The following SLC22A9 variants were observed in gnomAD, a reference collection of about 807,000 sequenced individuals.
SLC22A9 encodes the protein organic anion transporter 7.
SLC22A9 carries 64 observed loss-of-function variants against 50.1 expected under a neutral mutation model. The observed-to-expected ratio is 1.28, with a 90% CI of 1.04 to 1.57. SLC22A9 has a LOEUF of 1.57. SLC22A9 is among the 40% of genes most tolerant of loss of function. The probability of loss-of-function intolerance (pLI) is 0.00; values close to 1 mark genes in which losing one functional copy is unlikely to be tolerated. For missense variants in SLC22A9, 757 were observed against 676.1 expected (o/e 1.12, Z -1.33); for synonymous variants, 261 against 242.5 (o/e 1.08, Z -0.71).
chr11:63,374,792 A>G (rs959586366), intron 4 of SLC22A9, among the ~76,000 whole-genome samples: 2 of 152,168 alleles, frequency 1.3e-5, no homozygotes, highest in Non-Finnish European at 2.9e-5. Context: ...TATAGGTGAT[A>G]TTGGATGAAA....
intron 7 of SLC22A9, among the ~76,000 whole-genome samples, chr11:63,407,341 A>T (rs1246413140): frequency 6.6e-6 from 1 of 152,168 alleles, no homozygotes; most frequent in African/African-American, 2.4e-5. Flanking sequence ...GTAATAAGTA[A>T]GGGAACCCAG....
chr11:63,373,012 G>C (rs1217467275), intron 2 of SLC22A9, among the ~76,000 whole-genome samples: 1 of 152,002 alleles, frequency 6.6e-6, no homozygotes, highest in Admixed American at 6.6e-5. Flanking sequence ...AATGACATTG[G>C]TGAGAGCTGA....
At position 63,371,234 on chromosome 11, in the gene SLC22A9, G is replaced by A; in HGVS notation, c.502G>A (p.Asp168Asn). ...VGGILGGHLS[D>N]RFGRRFVLRW... is the part of the protein sequence containing the mutation. Reference sequence around the variant, plus strand: ...AGGCATCCTAGGCGGTCATTTATCAGACAGGTGAGTGTGTATGGAACACAG... The same window carrying A: ...AGGCATCCTAGGCGGTCATTTATCAAACAGGTGAGTGTGTATGGAACACAG... Residue 168 changes from aspartate (D) to asparagine (N), a missense_variant, in exon 2 of 10, where the codon GAC (aspartate) becomes AAC (asparagine). Transcript: ENST00000279178. 6.2e-7 allele frequency: 1 copy of A among 1,610,868 alleles called. No individual in the cohort carries two copies. Among genetic ancestry groups the A allele is most frequent in the Non-Finnish European group, 8.5e-7 (1 of 1,177,360 alleles).
chr11:63,406,131 C>A (rs186729981), intron 6 of SLC22A9, among the ~76,000 whole-genome samples: 3 of 152,226 alleles, frequency 2.0e-5, no homozygotes, highest in Admixed American at 2.0e-4. Flanking sequence ...TAGTCATCAT[C>A]TTTGTAGGTA....
chr11:63,386,309 C>A lies in SLC22A9; in HGVS notation c.1073+4032C>A, dbSNP rs147394024. ...CCCTACCAGGTTAGCATGATGCTGG[C>A]CTCATACAATAAATTAGGGAGGAGT... is the stretch of plus-strand genomic sequence containing the variant. On this transcript the variant is annotated intron_variant, in intron 6 of 9. Coordinates refer to ENST00000279178, the MANE Select transcript of SLC22A9 (RefSeq NM_080866.3). 8.4e-3 allele frequency among the ~76,000 whole-genome samples: 1,276 copies of A among 152,036 alleles called. 6 individuals carry two copies. The highest frequency in any genetic ancestry group is 0.014 in the Non-Finnish European group (974 of 67,980).
chr11:63,405,132 T>C (rs1172474632), intron 6 of SLC22A9, among the ~76,000 whole-genome samples: 1 of 151,796 alleles, frequency 6.6e-6, no homozygotes, highest in Non-Finnish European at 1.5e-5. Context: ...ACAATAATAA[T>C]AATAATAATA....
intron 6 of SLC22A9, among the ~76,000 whole-genome samples, chr11:63,399,725 C>T (rs1325623049): frequency 6.6e-6 from 1 of 152,100 alleles, no homozygotes; most frequent in Non-Finnish European, 1.5e-5. Flanking sequence ...GAACATTTTA[C>T]TCAGCAAATG....
At chr11:63,388,238 G>T (rs2014702707) in intron 6 of SLC22A9, among the ~76,000 whole-genome samples, 1 of 151,984 alleles carries the variant, frequency 6.6e-6, no homozygotes, top group African/African-American at 2.4e-5. Context: ...GGCATCTTTT[G>T]TGTTTCAGAT....
intron 6 of SLC22A9, among the ~76,000 whole-genome samples, chr11:63,405,358 C>T (rs559471160): frequency 6.5e-4 from 99 of 152,044 alleles, no homozygotes; most frequent in Admixed American, 1.5e-3. Context: ...GTGTCAAGGG[C>T]GACTAAGCCC....
At chr11:63,407,959 C>T (rs1422544570) in intron 7 of SLC22A9, among the ~76,000 whole-genome samples, 153 bp from the exon 8 acceptor site, 5 of 152,240 alleles carry the variant, frequency 3.3e-5, no homozygotes, top group African/African-American at 1.2e-4. Flanking sequence ...TCTCAGCTAT[C>T]AGCCACTGCA....
chr11:63,405,385 A>G (rs1443695038), intron 6 of SLC22A9, among the ~76,000 whole-genome samples: 1 of 152,180 alleles, frequency 6.6e-6, no homozygotes, highest in Non-Finnish European at 1.5e-5. Context: ...GCTGTGAGAA[A>G]GTTAAACTTG....
intron 6 of SLC22A9, among the ~76,000 whole-genome samples, chr11:63,398,996 A>C (rs1012523177): frequency 6.6e-6 from 1 of 152,236 alleles, no homozygotes; most frequent in African/African-American, 2.4e-5. Flanking sequence ...AGACTTAAAA[A>C]TAATTTATCA....
chr11:63,408,453 T>C (rs896065116), intron 8 of SLC22A9, among the ~76,000 whole-genome samples: 1 of 152,214 alleles, frequency 6.6e-6, no homozygotes, highest in Non-Finnish European at 1.5e-5. Flanking sequence ...GAGAGGTTGG[T>C]GCTAAGGATA....
chr11:63,376,459 A>T (rs534971654), intron 5 of SLC22A9, among the ~76,000 whole-genome samples: 1 of 152,180 alleles, frequency 6.6e-6, no homozygotes, highest in Non-Finnish European at 1.5e-5. Context: ...CACATATATA[A>T]AGTATTAATC....
chr11:63,370,032 C>T lies in SLC22A9; in HGVS notation c.-25C>T. 6.3e-7 allele frequency: 1 copy of T among 1,593,726 alleles called. No homozygotes were observed. Among genetic ancestry groups the T allele is most frequent in the Non-Finnish European group, 8.5e-7 (1 of 1,169,946 alleles). ...TCTGGATACAGTCATTTTGCCTCTA[C>T]TTGAGGATCAACTGTTCAACCTCAA... On this transcript the variant is annotated 5_prime_UTR_variant, in exon 1 of 10. Transcript: ENST00000279178.
chr11:63,386,434 CTTTTTTTTTTTTTT>C (rs71065364), intron 6 of SLC22A9, among the ~76,000 whole-genome samples: 12 of 33,502 alleles, frequency 3.6e-4, no homozygotes, highest in Admixed American at 1.5e-3. Context: ...TGGACCTGGA[CTTTTTTTTTTTTTT>C]TTTTTTTTTT....
At chr11:63,378,633 C>T (rs1182953157) in intron 5 of SLC22A9, among the ~76,000 whole-genome samples, 1 of 152,130 alleles carries the variant, frequency 6.6e-6, no homozygotes, top group Non-Finnish European at 1.5e-5. Context: ...GTAGTTGTAG[C>T]CCAAAAGCTC....
intron 6 of SLC22A9, among the ~76,000 whole-genome samples, chr11:63,383,105 A>G (rs970303407): frequency 3.3e-5 from 5 of 152,172 alleles, no homozygotes; most frequent in Non-Finnish European, 5.9e-5. Context: ...CACTGAATAG[A>G]AGGTGAGCAC....
chr11:63,390,429 G>A (rs765519177), intron 6 of SLC22A9, among the ~76,000 whole-genome samples: 3 of 152,070 alleles, frequency 2.0e-5, no homozygotes, highest in Non-Finnish European at 4.4e-5. Flanking sequence ...TTATTAGATT[G>A]GGAATCCTTT....
Sources: allele counts gnomAD v4.1 joint callset (sites outside exome capture counted in the v4.1 genomes callset), GRCh38; gene constraint gnomAD v4.1.1; transcripts MANE v1.5; gene names NCBI Gene and HGNC (gene_info 2026-07-23, HGNC 2026-07-21).